Variants in RIMKLA observed in about 807,000 individuals in gnomAD.
The protein encoded by RIMKLA is N-acetylaspartylglutamate synthase A.
Under a neutral mutation model 32.7 loss-of-function variants are expected in RIMKLA, and 14 were observed. That is an observed-to-expected ratio of 0.43 (90% CI 0.28 to 0.67). The LOEUF (loss-of-function observed/expected upper bound fraction) is 0.67. Among genes scored for constraint, RIMKLA ranks in the 30% least tolerant of loss-of-function variants. The pLI is 0.18. For synonymous variants in RIMKLA, 176 were observed against 204.1 expected (o/e 0.86, Z 1.18); for missense variants, 410 against 519.0 (o/e 0.79, Z 2.04).
At chr1:42,411,083 A>G (rs1236903926) in intron 4 of RIMKLA, among the ~76,000 whole-genome samples, 4 of 152,166 alleles carry the variant, frequency 2.6e-5, no homozygotes, top group African/African-American at 9.7e-5. Flanking sequence ...TAATCCCAGC[A>G]TTTTGGAAGG....
At chr1:42,395,019 G>A (rs1198500025) in intron 1 of RIMKLA, among the ~76,000 whole-genome samples, 2 of 152,198 alleles carry the variant, frequency 1.3e-5, no homozygotes, top group Admixed American at 6.5e-5. Context: ...GATTACAGGC[G>A]AGAGCCACTG....
intron 1 of RIMKLA, among the ~76,000 whole-genome samples, chr1:42,384,334 T>C (rs1171738777): frequency 2.0e-5 from 3 of 151,970 alleles, no homozygotes; most frequent in Non-Finnish European, 4.4e-5. Flanking sequence ...TATGTGAAAA[T>C]CATACCCATC....
chr1:42,423,704 T>A lies in RIMKLA; in HGVS notation c.*8730T>A, dbSNP rs974197029. Among the ~76,000 whole-genome samples, 3 of 152,146 alleles carry A rather than the reference T, an allele frequency of 2.0e-5. No individual in the cohort carries two copies. The highest frequency in any genetic ancestry group is 4.4e-5 in the Non-Finnish European group (3 of 68,018). The stretch of plus-strand genomic sequence containing the variant: ...ACACTTCCCCTTCTACTTCCCAGAG[T>A]TACATGGTGTCCCTCTAGGACTCTC... On this transcript the variant is annotated 3_prime_UTR_variant, in exon 5 of 5. Coordinates refer to ENST00000431473, the MANE Select transcript of RIMKLA (RefSeq NM_173642.4).
intron 3 of RIMKLA, 89 bp downstream of exon 3, chr1:42,404,686 A>G: frequency 1.3e-6 from 1 of 790,206 alleles, no homozygotes; most frequent in Non-Finnish European, 2.2e-6. Context: ...AGTGCTGCTT[A>G]GAAAAATGGA....
At chr1:42,412,732 T>A (rs1479340104) in intron 4 of RIMKLA, 3 of 377,070 alleles carry the variant, frequency 8.0e-6, no homozygotes, top group African/African-American at 6.5e-5. Context: ...AACCTGGCGT[T>A]TGCCTCTTTT....
At chr1:42,389,600 T>C (rs1642979100) in intron 1 of RIMKLA, among the ~76,000 whole-genome samples, 1 of 151,982 alleles carries the variant, frequency 6.6e-6, no homozygotes, top group Admixed American at 6.6e-5. Context: ...TCACTTGAGG[T>C]CAGGAGTTCG....
chr1:42,398,932 A>C (rs1417515115), intron 1 of RIMKLA, among the ~76,000 whole-genome samples: 1 of 143,870 alleles, frequency 7.0e-6, no homozygotes, highest in African/African-American at 2.6e-5. Flanking sequence ...ATGCCACTGC[A>C]CTCTAACCTG....
chr1:42,413,938 G>T (rs1296163253), intron 4 of RIMKLA, among the ~76,000 whole-genome samples: 1 of 150,374 alleles, frequency 6.7e-6, no homozygotes, highest in East Asian at 2.1e-4. Flanking sequence ...TTATTTTTTT[G>T]TAGAGATGGG....
chr1:42,389,425 A>G (rs1642977497), intron 1 of RIMKLA, among the ~76,000 whole-genome samples: 1 of 152,130 alleles, frequency 6.6e-6, no homozygotes, highest in Non-Finnish European at 1.5e-5. Context: ...ATCCTGAGTA[A>G]AAGAAAAATG....
Position 42,404,524 on chromosome 1 carries a change from C to A in RIMKLA, c.408C>A (p.Asp136Glu), listed in dbSNP as rs1164141686. ...PDTFSYGGHE[D>E]FSKMIDEAEP... is the part of the protein sequence containing the mutation. ...TTTTCTTGGCAGGTGGGCATGAAGA[C>A]TTTTCAAAAATGATTGATGAAGCTG... Residue 136 changes from aspartate (D) to glutamate (E), a missense_variant, in exon 3 of 5, where the codon GAC becomes GAA. Asp to Glu is a conservative substitution (Grantham distance 45, BLOSUM62 2). Transcript: ENST00000431473. 1 of 1,613,398 alleles carries A rather than the reference C, an allele frequency of 6.2e-7. No homozygotes were observed.
intron 4 of RIMKLA, among the ~76,000 whole-genome samples, chr1:42,411,687 T>A (rs924363722): frequency 2.0e-5 from 3 of 146,504 alleles, no homozygotes; most frequent in Non-Finnish European, 3.0e-5. Context: ...TATTTATTTA[T>A]TTTTGAGACA....
At position 42,420,296 on chromosome 1, in the gene RIMKLA, A is replaced by ACAT. The variant is rs1643284330; in HGVS notation, c.*5323_*5325dup. 1 of 152,162 alleles carries ACAT rather than the reference A, an allele frequency of 6.6e-6. No homozygotes were observed. The highest frequency in any genetic ancestry group is 6.5e-5 in the Admixed American group (1 of 15,272). 9.4% of individuals were successfully genotyped at this position (152,162 alleles called of 1,614,324 possible). A position where few individuals can be genotyped will look rare whatever the true frequency, so the allele number is the denominator to read the frequency against. ...AAGCTCAGTTTCCTCGCCCATTTCC[A>ACAT]CATAGCAAAATTCAAGCGAGTGAGT... is the stretch of plus-strand genomic sequence containing the variant. On this transcript the variant is annotated 3_prime_UTR_variant, in exon 5 of 5. Transcript: ENST00000431473.
At chr1:42,411,336 TAAAA>T (rs552496213) in intron 4 of RIMKLA, among the ~76,000 whole-genome samples, 3 of 139,342 alleles carry the variant, frequency 2.2e-5, no homozygotes, top group African/African-American at 5.2e-5. Context: ...CCCTATCTCT[TAAAA>T]AAAAAAAAAA....
chr1:42,385,842 T>TTCTCTCTCTCTCTC (rs200871565), intron 1 of RIMKLA, among the ~76,000 whole-genome samples: 10 of 63,606 alleles, frequency 1.6e-4, no homozygotes, highest in African/African-American at 6.1e-4. Context: ...CTTTCTTTCT[T>TTCTCTCTCTCTCTC]TCTCTTTCTT....
At chr1:42,403,676 TCCATAACAAA>T (rs1643119838) in intron 2 of RIMKLA, among the ~76,000 whole-genome samples, 1 of 152,198 alleles carries the variant, frequency 6.6e-6, no homozygotes, top group Non-Finnish European at 1.5e-5. Context: ...TTTCTATCGC[TCCATAACAAA>T]CTTCTAAAAA....
rs773239682 is a variant in RIMKLA, at chr1:42,404,508, C to G, written c.395-3C>G. The G allele has an allele frequency of 6.2e-7, 1 of 1,607,610 alleles. No individual in the cohort carries two copies. On this transcript the variant is annotated splice_region_variant and splice_polypyrimidine_tract_variant and intron_variant, in intron 2 of 4. Transcript: ENST00000431473. ...TTCACTGACTTTCACCTTTTCTTGG[C>G]AGGTGGGCATGAAGACTTTTCAAAA...
rs1643240549 is a variant in RIMKLA, at chr1:42,415,675, C to G, written c.*701C>G. On this transcript the variant is annotated 3_prime_UTR_variant, in exon 5 of 5. Transcript: ENST00000431473. Reference sequence around the variant, plus strand: ...GACCCTGCTTCAACTAACGTCAGCTCTAGCAGCTTCTTGCACCTTTGCTGC... The same window carrying G: ...GACCCTGCTTCAACTAACGTCAGCTGTAGCAGCTTCTTGCACCTTTGCTGC... The G allele has an allele frequency of 6.6e-6, 1 of 152,242 alleles. No homozygotes were observed. The highest frequency in any genetic ancestry group is 1.5e-5 in the Non-Finnish European group (1 of 68,054). The allele number at this position is 152,242 out of a possible 1,614,324, so 9.4% of individuals were successfully genotyped here.
Position 42,388,796 on chromosome 1 carries a change from G to A in RIMKLA, c.163+7699G>A, listed in dbSNP as rs528258526. ...CTCCCAAAGTGCTGGGATTACAGGC[G>A]TGAGCTACTGTGCCTGGCCTCCACT... On this transcript the variant is annotated intron_variant, in intron 1 of 4. Transcript: ENST00000431473. Among the ~76,000 whole-genome samples, 122 of 152,048 alleles carry A rather than the reference G, an allele frequency of 8.0e-4. 1 individual carries two copies. Among genetic ancestry groups the A allele is most frequent in the East Asian group, 5.8e-4 (3 of 5,178 alleles).
At chr1:42,396,784 C>T (rs1252417826) in intron 1 of RIMKLA, among the ~76,000 whole-genome samples, 1 of 152,126 alleles carries the variant, frequency 6.6e-6, no homozygotes, top group Non-Finnish European at 1.5e-5. Context: ...AGTAATAATG[C>T]CAGTGCCTTA....
Sources: gnomAD v4.1 joint callset for allele counts (sites outside exome capture counted in the v4.1 genomes callset) on GRCh38, gnomAD v4.1.1 for gene constraint, MANE v1.5 for transcripts, NCBI Gene and HGNC (gene_info 2026-07-23, HGNC 2026-07-21) for gene names.